The following DSCAML1 variants were observed in gnomAD, a reference collection of about 807,000 sequenced individuals.
DSCAML1 encodes cell adhesion molecule DSCAML1.
In DSCAML1, 38 loss-of-function variants were observed where a neutral mutation model predicts 200.5. The ratio of observed to expected loss-of-function variants is 0.19; its 90% CI spans 0.15 to 0.25. The LOEUF (loss-of-function observed/expected upper bound fraction) is 0.25. DSCAML1 is among the 10% of genes least tolerant of loss of function. The pLI, the probability that DSCAML1 is intolerant of heterozygous loss-of-function variation, is 1.00. For synonymous variants in DSCAML1, 1,215 were observed against 1,165.0 expected (o/e 1.04, Z -0.87); for missense variants, 2,223 against 2,858.8 (o/e 0.78, Z 5.07).
intron 3 of DSCAML1, among the ~76,000 whole-genome samples, chr11:117,735,892 C>A (rs1023907389): frequency 5.3e-5 from 8 of 152,156 alleles, no homozygotes; most frequent in African/African-American, 1.9e-4. Flanking sequence ...CCAGGAGACC[C>A]AGCACCCAGC....
chr11:117,755,217 T>C (rs2054666484), intron 3 of DSCAML1, among the ~76,000 whole-genome samples: 1 of 152,138 alleles, frequency 6.6e-6, no homozygotes, highest in African/African-American at 2.4e-5. Flanking sequence ...GTCCAGGACT[T>C]GCAAGAAAAC....
intron 1 of DSCAML1, among the ~76,000 whole-genome samples, chr11:117,788,942 G>A (rs1251354194): frequency 6.6e-6 from 1 of 152,150 alleles, no homozygotes; most frequent in Non-Finnish European, 1.5e-5. Context: ...ATTGGGGTAT[G>A]ATAATTCAGA....
intron 11 of DSCAML1, among the ~76,000 whole-genome samples, chr11:117,501,235 G>C (rs2049387201): frequency 6.6e-6 from 1 of 152,166 alleles, no homozygotes; most frequent in African/African-American, 2.4e-5. Flanking sequence ...CAGGGCAGTA[G>C]CTGGGGCGGG....
chr11:117,679,278 A>G (rs567286064), intron 3 of DSCAML1, among the ~76,000 whole-genome samples: 43 of 152,286 alleles, frequency 2.8e-4, no homozygotes, highest in African/African-American at 9.4e-4. Context: ...GACCTAGCAG[A>G]CACCAGGATT....
intron 3 of DSCAML1, among the ~76,000 whole-genome samples, chr11:117,658,777 AC>A (rs1379108919): frequency 2.0e-5 from 3 of 152,134 alleles, no homozygotes; most frequent in Admixed American, 2.0e-4. Context: ...CCATGAACTA[AC>A]CCTACAAACA....
intron 3 of DSCAML1, among the ~76,000 whole-genome samples, chr11:117,731,340 C>T (rs1372527408): frequency 1.3e-5 from 2 of 152,170 alleles, no homozygotes; most frequent in African/African-American, 4.8e-5. Context: ...CTTTCCCACA[C>T]CCCAAGGTCC....
At chr11:117,745,943 G>A (rs112297594) in intron 3 of DSCAML1, among the ~76,000 whole-genome samples, 90 of 152,152 alleles carry the variant, frequency 5.9e-4, no homozygotes, top group Non-Finnish European at 8.7e-4. Flanking sequence ...GGCCAGGCGC[G>A]GTGGCTCACG....
intron 3 of DSCAML1, among the ~76,000 whole-genome samples, chr11:117,576,431 T>C (rs898273455): frequency 4.6e-5 from 7 of 152,182 alleles, no homozygotes; most frequent in African/African-American, 1.4e-4. Context: ...TTCCCAACAG[T>C]GGACTCTCCC....
At chr11:117,743,654 TCTCA>T (rs1463367655) in intron 3 of DSCAML1, among the ~76,000 whole-genome samples, 2 of 152,192 alleles carry the variant, frequency 1.3e-5, no homozygotes, top group Non-Finnish European at 1.5e-5. Flanking sequence ...TTCTGAAGAC[TCTCA>T]CTCAGTCTCT....
At chr11:117,554,666 C>T (rs573047353) in intron 3 of DSCAML1, among the ~76,000 whole-genome samples, 2 of 152,222 alleles carry the variant, frequency 1.3e-5, no homozygotes, top group East Asian at 1.9e-4. Flanking sequence ...TGTGAGCCAC[C>T]GCGCCCGGCC....
Position 117,516,408 on chromosome 11 carries a change from G to T in DSCAML1, c.1783+59C>A. On this transcript the variant is annotated intron_variant, in intron 8 of 32. Transcript: ENST00000651296. This position sits in a 1 kb window ranked among gnomAD's most constrained non-coding sequence, Gnocchi z 5.7. ...GTTGTCTGAGTCCCAGCTGGGGAAA[G>T]GCCCACGCATCCTGGGTGGTCAGGC... 1 of 1,562,972 alleles carries T rather than the reference G, an allele frequency of 6.4e-7. No homozygotes were observed. Among genetic ancestry groups the T allele is most frequent in the Non-Finnish European group, 8.7e-7 (1 of 1,151,752 alleles).
intron 14 of DSCAML1, among the ~76,000 whole-genome samples, chr11:117,473,048 G>A (rs144610411): frequency 2.6e-5 from 4 of 152,226 alleles, no homozygotes; most frequent in East Asian, 1.9e-4. Flanking sequence ...TCACTATTCC[G>A]TCTAATTTTC....
chr11:117,776,361 T>G (rs954808143), intron 3 of DSCAML1, among the ~76,000 whole-genome samples: 6 of 152,052 alleles, frequency 3.9e-5, no homozygotes, highest in Non-Finnish European at 5.9e-5. Flanking sequence ...AAGGAGGCAG[T>G]GCTCACTGTT....
chr11:117,783,579 A>G (rs1274696807), intron 1 of DSCAML1, among the ~76,000 whole-genome samples: 1 of 152,098 alleles, frequency 6.6e-6, no homozygotes. Flanking sequence ...TAATCTTCAT[A>G]ACTCCCTCGG....
chr11:117,719,280 CAAAAAATAAAACT>C (rs2054006154), intron 3 of DSCAML1, among the ~76,000 whole-genome samples: 1 of 152,010 alleles, frequency 6.6e-6, no homozygotes, highest in Admixed American at 6.6e-5. Flanking sequence ...GCTAAAAATC[CAAAAAATAAAACT>C]AAAAAATAAA....
chr11:117,476,689 G>T (rs1238962244), intron 14 of DSCAML1, among the ~76,000 whole-genome samples: 4 of 152,364 alleles, frequency 2.6e-5, no homozygotes, highest in African/African-American at 9.6e-5. Context: ...GATTTGCGTG[G>T]ATGGTGCTAT....
At chr11:117,509,371 C>G (rs12366082) in intron 8 of DSCAML1, among the ~76,000 whole-genome samples, 11,931 of 152,228 alleles carry the variant, frequency 0.078, 591 homozygotes, top group Middle Eastern at 0.11. Flanking sequence ...AAGAAGTAGC[C>G]AACATCCATC....
intron 3 of DSCAML1, among the ~76,000 whole-genome samples, chr11:117,645,895 T>C (rs2052512221): frequency 6.6e-6 from 1 of 151,810 alleles, no homozygotes; most frequent in Non-Finnish European, 1.5e-5. Context: ...AAACTTAAAG[T>C]ATAATAATAA....
In DSCAML1 at chr11:117,533,750, C is replaced by T. The variant is rs528265420; in HGVS notation, c.512-1228G>A. Among the ~76,000 whole-genome samples the T allele has an allele frequency of 3.3e-5, 5 of 152,190 alleles. No individual in the cohort carries two copies. In the East Asian group the frequency reaches 9.7e-4, roughly 29 times the overall value. The stretch of plus-strand genomic sequence containing the variant: ...TTTCCTTGTCTAAGGTCCTAAGGCT[C>T]ACCCTGACCTTGAGCTGATAAAGGC... On this transcript the variant is annotated intron_variant, in intron 3 of 32. Coordinates refer to ENST00000651296, the MANE Select transcript of DSCAML1 (RefSeq NM_020693.4).
Sources: allele counts gnomAD v4.1 joint callset (sites outside exome capture counted in the v4.1 genomes callset), GRCh38; gene constraint gnomAD v4.1.1; non-coding constraint Gnocchi (gnomAD v3.1); transcripts MANE v1.5; gene names NCBI Gene and HGNC (gene_info 2026-07-23, HGNC 2026-07-21).